Variants in MFAP1 observed in about 807,000 individuals in gnomAD.
The protein encoded by MFAP1 is microfibril associated protein 1.
In MFAP1, 18 loss-of-function variants were observed where a neutral mutation model predicts 62.2. The ratio of observed to expected loss-of-function variants is 0.29; its 90% CI spans 0.20 to 0.43. MFAP1 has a LOEUF of 0.43. Ranked by LOEUF, MFAP1 falls within the 20% of genes least tolerant of loss-of-function variation. The pLI, the probability that MFAP1 is intolerant of heterozygous loss-of-function variation, is 1.00. For missense variants in MFAP1, 355 were observed against 559.7 expected (o/e 0.63, Z 3.69); for synonymous variants, 175 against 180.4 (o/e 0.97, Z 0.24).
At chr15:43,817,760 A>T (rs1219017753) in intron 1 of MFAP1, among the ~76,000 whole-genome samples, 1 of 152,220 alleles carries the variant, frequency 6.6e-6, no homozygotes, top group Non-Finnish European at 1.5e-5. Context: ...CATCCATCAC[A>T]AATTCATGGT....
At position 43,805,140 on chromosome 15, in the gene MFAP1, C is replaced by T. The variant is rs2141703238; in HGVS notation, c.1274G>A (p.Arg425Gln). ...KFFKQKAAGV[R>Q]DVFERPSAKK... Reference sequence around the variant, plus strand: ...GGCAGATGGCCGCTCAAATACATCTCGTACCCCAGCTGCCTTTTGTTTGAA... The same window carrying T: ...GGCAGATGGCCGCTCAAATACATCTTGTACCCCAGCTGCCTTTTGTTTGAA... The change falls in exon 9 of 9, where the codon CGA becomes CAA. Residue 425 changes from arginine to glutamine, a missense_variant. Coordinates refer to ENST00000267812, the MANE Select transcript of MFAP1 (RefSeq NM_005926.3). The T allele has an allele frequency of 3.1e-6, 5 of 1,599,998 alleles. No homozygotes were observed. Among genetic ancestry groups the T allele is most frequent in the African/African-American group, 1.3e-5 (1 of 74,818 alleles).
At chr15:43,818,535 C>A (rs1202321278) in intron 1 of MFAP1, among the ~76,000 whole-genome samples, 45 of 134,736 alleles carry the variant, frequency 3.3e-4, no homozygotes, top group Middle Eastern at 4.1e-3. Flanking sequence ...AAAAAAAAAA[C>A]CCCTAGACCA....
chr15:43,805,606 A>G (rs2087357661), intron 7 of MFAP1, 141 bp from the exon 8 acceptor site: 2 of 643,158 alleles, frequency 3.1e-6, no homozygotes, highest in African/African-American at 3.8e-5. Context: ...CTAGTTGAAG[A>G]GATGACATTC....
At chr15:43,806,880 A>G (rs1173465919) in intron 7 of MFAP1, among the ~76,000 whole-genome samples, 1 of 151,662 alleles carries the variant, frequency 6.6e-6, no homozygotes, top group African/African-American at 2.4e-5. Context: ...TCAAAAATAA[A>G]TAAATAAATA....
chr15:43,808,485 T>C (rs927149873), intron 7 of MFAP1, among the ~76,000 whole-genome samples: 4 of 152,242 alleles, frequency 2.6e-5, no homozygotes, highest in African/African-American at 9.6e-5. Context: ...TTAGCCAATG[T>C]ACCTGGCCCA....
chr15:43,811,291 T>C (rs1269772952), intron 6 of MFAP1, among the ~76,000 whole-genome samples: 1 of 150,136 alleles, frequency 6.7e-6, no homozygotes, highest in Non-Finnish European at 1.5e-5. Context: ...GGCATATACC[T>C]GTAGTCCCAG....
chr15:43,813,283 C>T lies in MFAP1; in HGVS notation c.692G>A (p.Arg231His), dbSNP rs373335300. ...GTACTTGCGCCTTTCCTCAGCCATG[C>T]GTTTTGCTTCCTGCTCCAGCTCCTT... ...KQKELEQEAK[R>H]MAEERRKYTL... Residue 231 changes from arginine to histidine, a missense_variant, in exon 5 of 9, where the codon CGC becomes CAC. Arg to His is a conservative substitution (Grantham distance 29, BLOSUM62 0). Around this residue, in one of 6 missense-constraint regions of MFAP1, gnomAD observed 257 missense variants for 341.3 expected, o/e 0.75. Transcript: ENST00000267812. 39 of 1,613,006 alleles carry T rather than the reference C, an allele frequency of 2.4e-5. No homozygotes were observed. The highest frequency in any genetic ancestry group is 1.6e-4 in the Middle Eastern group (1 of 6,074).
rs146194076 is a variant in MFAP1 at position 43,824,237 on chromosome 15, ATATATAT to A, written c.79+247_79+253del. On this transcript the variant is annotated intron_variant, in intron 1 of 8. Transcript: ENST00000267812. ...AGTTCCTAATGTTTTTATATGTGTA[ATATATAT>A]TATATATATGTAACATTAGTCTAAG... is the stretch of plus-strand genomic sequence containing the variant. Among the ~76,000 whole-genome samples the A allele has an allele frequency of 7.7e-3, 1,165 of 151,618 alleles. 18 individuals carry two copies. Among genetic ancestry groups the A allele is most frequent in the African/African-American group, 0.027 (1,104 of 41,376 alleles).
At chr15:43,811,723 G>C (rs1346007730) in intron 6 of MFAP1, among the ~76,000 whole-genome samples, 1 of 151,802 alleles carries the variant, frequency 6.6e-6, no homozygotes, top group Non-Finnish European at 1.5e-5. Context: ...GGCCAAGCTG[G>C]TCTTGAACTC....
In MFAP1 at chr15:43,809,745, C is replaced by T; in HGVS notation, c.1047+10G>A. The T allele has an allele frequency of 6.2e-7, 1 of 1,611,598 alleles. No homozygotes were observed. Among genetic ancestry groups the T allele is most frequent in the Non-Finnish European group, 8.5e-7 (1 of 1,178,214 alleles). ...CTGCCCAATTTTCTGACTCTCTTTT[C>T]ACTTCTTACCATGAAGAAGGCACCC... On this transcript the variant is annotated intron_variant, in intron 7 of 8. Transcript: ENST00000267812.
At chr15:43,822,759 G>A (rs1451851610) in intron 1 of MFAP1, among the ~76,000 whole-genome samples, 4 of 152,118 alleles carry the variant, frequency 2.6e-5, no homozygotes, top group Non-Finnish European at 2.9e-5. Flanking sequence ...TTGAACTTTC[G>A]AGCATAAGTG....
intron 2 of MFAP1, among the ~76,000 whole-genome samples, chr15:43,815,499 A>C (rs2087428859): frequency 6.6e-6 from 1 of 152,080 alleles, no homozygotes; most frequent in South Asian, 2.1e-4. Context: ...ATTGAGGTGG[A>C]GGAAACTGAG....
intron 1 of MFAP1, among the ~76,000 whole-genome samples, chr15:43,819,155 T>C (rs1461498822): frequency 6.6e-6 from 1 of 152,104 alleles, no homozygotes; most frequent in African/African-American, 2.4e-5. Flanking sequence ...ATCGTGCTAC[T>C]GCACTCCAGC....
chr15:43,814,898 C>T (rs1483510451), intron 3 of MFAP1, 47 bp downstream of exon 3: 6 of 1,607,328 alleles, frequency 3.7e-6, no homozygotes, highest in Non-Finnish European at 5.1e-6. Context: ...CTGGCATGAA[C>T]TTTTTCTTAT....
At position 43,813,261 on chromosome 15, in the gene MFAP1, C is replaced by T. The variant is rs150028567; in HGVS notation, c.714G>A (p.Lys238=). 66 of 1,613,856 alleles carry T rather than the reference C, an allele frequency of 4.1e-5. No individual in the cohort carries two copies. Among genetic ancestry groups the T allele is most frequent in the Admixed American group, 6.7e-5 (4 of 59,860 alleles). Residue 238 remains lysine (K), a synonymous_variant, in exon 5 of 9, where the codon AAG becomes AAA. Coordinates refer to ENST00000267812, the MANE Select transcript of MFAP1 (RefSeq NM_005926.3). ...CACTCCCCAGTACCTTGAGTGTGTACTTGCGCCTTTCCTCAGCCATGCGTT... is the reference window on the plus strand; with the variant it reads ...CACTCCCCAGTACCTTGAGTGTGTATTTGCGCCTTTCCTCAGCCATGCGTT... ...EAKRMAEERR[K]YTLKIVEEET... is the part of the protein sequence containing the mutation.
intron 6 of MFAP1, 117 bp downstream of exon 6, chr15:43,812,870 A>T: frequency 8.2e-7 from 1 of 1,221,820 alleles, no homozygotes; most frequent in East Asian, 2.4e-5. Flanking sequence ...TCACAAAGCA[A>T]CAAGAACTCT....
At chr15:43,814,897 A>G (rs1596057320) in intron 3 of MFAP1, 48 bp downstream of exon 3, 1 of 1,607,460 alleles carries the variant, frequency 6.2e-7, no homozygotes. Flanking sequence ...ACTGGCATGA[A>G]CTTTTTCTTA....
intron 1 of MFAP1, among the ~76,000 whole-genome samples, chr15:43,822,942 G>C (rs946263503): frequency 6.6e-6 from 1 of 151,524 alleles, no homozygotes; most frequent in African/African-American, 2.4e-5. Context: ...GAGTTCAAGT[G>C]ATTCTCCTGC....
chr15:43,822,456 C>T (rs1426281614), intron 1 of MFAP1, among the ~76,000 whole-genome samples: 3 of 152,078 alleles, frequency 2.0e-5, no homozygotes, highest in Non-Finnish European at 1.5e-5. Flanking sequence ...TCCATGAAAC[C>T]TCCACCTGCC....
Sources: allele counts gnomAD v4.1 joint callset (sites outside exome capture counted in the v4.1 genomes callset), GRCh38; gene constraint gnomAD v4.1.1; regional missense constraint gnomAD v4.1.1; transcripts MANE v1.5; gene names NCBI Gene and HGNC (gene_info 2026-07-23, HGNC 2026-07-21).